SLC25A48: variants seen among roughly 807,000 people sequenced by gnomAD.
The protein encoded by SLC25A48 is CTC-321K16.1.
A neutral mutation model predicts 32.2 loss-of-function variants in SLC25A48; 29 were observed. The ratio of observed to expected loss-of-function variants is 0.90; its 90% CI spans 0.67 to 1.23. The LOEUF is 1.23. SLC25A48 is among the 50% of genes most tolerant of loss of function. The pLI, the probability that SLC25A48 is intolerant of heterozygous loss-of-function variation, is 0.00. For synonymous variants in SLC25A48, 164 were observed against 172.3 expected, an observed-to-expected ratio of 0.95 and a Z score of 0.38; for missense variants, 399 against 422.7, an observed-to-expected ratio of 0.94 and a Z score of 0.49.
At chr5:135,833,937 C>A (rs988482114), upstream of SLC25A48, among the ~76,000 whole-genome samples, 2 of 152,194 alleles carry the variant, frequency 1.3e-5, no homozygotes, top group Non-Finnish European at 2.9e-5. Context: ...CCTGACCATA[C>A]CCTTCACCAT....
chr5:135,704,007 G>C (rs1754453113), intron 3 of SLC25A48, among the ~76,000 whole-genome samples: 1 of 152,190 alleles, frequency 6.6e-6, no homozygotes, highest in African/African-American at 2.4e-5. Context: ...TTTCCACCCT[G>C]AGGTGCAGCA....
At chr5:135,592,213 G>A (rs1342605083) in intron 1 of SLC25A48, among the ~76,000 whole-genome samples, 1 of 152,194 alleles carries the variant, frequency 6.6e-6, no homozygotes, top group African/African-American at 2.4e-5. Context: ...GTGAAGTGGT[G>A]GCAGGAGGAG....
chr5:135,815,354 C>G (rs1215693448), intron 4 of SLC25A48, among the ~76,000 whole-genome samples: 1 of 152,224 alleles, frequency 6.6e-6, no homozygotes, highest in Non-Finnish European at 1.5e-5. Context: ...TTCATGCCCC[C>G]CACTGATCTG....
intron 3 of SLC25A48, among the ~76,000 whole-genome samples, chr5:135,714,349 C>T (rs1019175352): frequency 2.2e-4 from 33 of 152,166 alleles, no homozygotes; most frequent in Admixed American, 1.2e-3. Flanking sequence ...CCCCAGCCCT[C>T]GACTTGGAAA....
rs771348066 is a variant in SLC25A48, at chr5:135,888,556, C to G, written c.*532C>G. The G allele has an allele frequency of 1.3e-5, 2 of 155,480 alleles. No individual in the cohort carries two copies. The highest frequency in any genetic ancestry group is 4.8e-5 in the African/African-American group (2 of 41,582). The allele number at this position is 155,480 out of a possible 1,614,324, so 9.6% of individuals were successfully genotyped here. ...AGTCCAGTGCGTGCTCCTCACTGTGCACTTATTAGTGTCTGTTGAGTGATT... is the reference window on the plus strand; with the variant it reads ...AGTCCAGTGCGTGCTCCTCACTGTGGACTTATTAGTGTCTGTTGAGTGATT... On this transcript the variant is annotated 3_prime_UTR_variant, in exon 8 of 8. Transcript: ENST00000681962.
intron 1 of SLC25A48, among the ~76,000 whole-genome samples, chr5:135,602,702 T>G (rs1454497028): frequency 3.3e-5 from 5 of 151,974 alleles, no homozygotes; most frequent in African/African-American, 4.8e-5. Context: ...CCATGTTGGT[T>G]TGCTGCACCC....
chr5:135,708,060 C>T (rs1327097736), intron 3 of SLC25A48, among the ~76,000 whole-genome samples: 1 of 152,176 alleles, frequency 6.6e-6, no homozygotes, highest in Non-Finnish European at 1.5e-5. Context: ...GACATCATTT[C>T]CCTGCTGGCT....
At chr5:135,845,157 A>G (rs1759305393) in intron 2 of SLC25A48, among the ~76,000 whole-genome samples, 1 of 152,222 alleles carries the variant, frequency 6.6e-6, no homozygotes. Context: ...AACCTGCCAC[A>G]TGGTCCTCTA....
chr5:135,581,168 G>A (rs1007372105), intron 1 of SLC25A48, among the ~76,000 whole-genome samples: 2 of 152,226 alleles, frequency 1.3e-5, no homozygotes, highest in Admixed American at 1.3e-4. Context: ...CACAGAGTAA[G>A]TGTTTGATAT....
chr5:135,830,772 G>A (rs188697305), upstream of SLC25A48, among the ~76,000 whole-genome samples: 6 of 152,304 alleles, frequency 3.9e-5, no homozygotes, highest in South Asian at 2.1e-4. Flanking sequence ...GCACAAGCCC[G>A]TGGTCCGGTT....
At chr5:135,752,960 A>T (rs747752574) in intron 3 of SLC25A48, among the ~76,000 whole-genome samples, 4 of 151,966 alleles carry the variant, frequency 2.6e-5, no homozygotes, top group Admixed American at 6.6e-5. Context: ...TATATTTTAC[A>T]TAATATCACA....
At chr5:135,615,969 G>A (rs1475476432) in intron 1 of SLC25A48, among the ~76,000 whole-genome samples, 2 of 152,260 alleles carry the variant, frequency 1.3e-5, no homozygotes, top group African/African-American at 2.4e-5. Flanking sequence ...TACATGGGCT[G>A]CTGCTTCAGA....
chr5:135,625,730 G>A (rs916422383), intron 1 of SLC25A48, among the ~76,000 whole-genome samples: 5 of 152,100 alleles, frequency 3.3e-5, no homozygotes, highest in African/African-American at 1.2e-4. Context: ...GGTAGAACAG[G>A]GGGAAGAAGG....
At chr5:135,829,293 A>G (rs1172699253) in intron 4 of SLC25A48, among the ~76,000 whole-genome samples, 1 of 152,108 alleles carries the variant, frequency 6.6e-6, no homozygotes, top group African/African-American at 2.4e-5. Context: ...CTACACTCCT[A>G]CAGAAACCCC....
intron 3 of SLC25A48, among the ~76,000 whole-genome samples, chr5:135,851,600 A>G (rs1366253649): frequency 1.7e-5 from 1 of 59,694 alleles, no homozygotes; most frequent in Non-Finnish European, 4.2e-5. Flanking sequence ...GTGTGTATAT[A>G]TGCGTGTGTG....
intron 3 of SLC25A48, chr5:135,746,392 T>C: frequency 5.7e-6 from 1 of 175,376 alleles, no homozygotes; most frequent in Non-Finnish European, 1.2e-5. Context: ...TTACAGCAGC[T>C]CGCTACAGTT....
chr5:135,800,686 C>A (rs1167342315), intron 3 of SLC25A48, among the ~76,000 whole-genome samples: 2 of 152,028 alleles, frequency 1.3e-5, no homozygotes, highest in South Asian at 4.1e-4. Context: ...TGAGTGTACA[C>A]CCCCCTGGGA....
chr5:135,832,530 C>A (rs1339109461), upstream of SLC25A48, among the ~76,000 whole-genome samples: 3 of 152,036 alleles, frequency 2.0e-5, no homozygotes, highest in Non-Finnish European at 4.4e-5. Flanking sequence ...AAGGTGCAGC[C>A]AGGAGACTCC....
intron 3 of SLC25A48, among the ~76,000 whole-genome samples, chr5:135,778,031 G>A (rs1756612707): frequency 7.4e-6 from 1 of 134,480 alleles, no homozygotes; most frequent in South Asian, 2.4e-4. Context: ...ACGGGGAGAG[G>A]CTGATATGTC....
Sources: allele counts gnomAD v4.1 joint callset (sites outside exome capture counted in the v4.1 genomes callset), GRCh38; gene constraint gnomAD v4.1.1; transcripts MANE v1.5; gene names NCBI Gene and HGNC (gene_info 2026-07-23, HGNC 2026-07-21).